IL1RAPL1: variants seen among roughly 807,000 people sequenced by gnomAD.
The protein encoded by IL1RAPL1 is interleukin 1 receptor accessory protein like 1.
IL1RAPL1 carries 3 observed loss-of-function variants against 48.4 expected under a neutral mutation model. That is an observed-to-expected ratio of 0.06 (90% CI 0.03 to 0.16). The LOEUF is 0.16. Ranked by LOEUF, IL1RAPL1 falls within the 10% of genes least tolerant of loss-of-function variation. The probability of loss-of-function intolerance (pLI) is 1.00; values close to 1 mark genes in which losing one functional copy is unlikely to be tolerated. For missense variants in IL1RAPL1, 349 were observed against 530.6 expected, an observed-to-expected ratio of 0.66 and a Z score of 3.36; for synonymous variants, 185 against 187.7, an observed-to-expected ratio of 0.99 and a Z score of 0.12.
At chrX:28,882,144 A>G (rs1246737491) in intron 2 of IL1RAPL1, among the ~76,000 whole-genome samples, 1 of 110,638 alleles carries the variant, frequency 9.0e-6, no homozygotes, top group Non-Finnish European at 1.9e-5. Context: ...AAAAATATAT[A>G]TATATATCTT....
At chrX:29,284,313 G>A (rs1161640626) in intron 3 of IL1RAPL1, among the ~76,000 whole-genome samples, 1 of 112,288 alleles carries the variant, frequency 8.9e-6, no homozygotes, top group East Asian at 2.8e-4. Flanking sequence ...AATAGGTCAA[G>A]TTGCATAAAA....
intron 5 of IL1RAPL1, among the ~76,000 whole-genome samples, chrX:29,519,373 A>G (rs1935479874): frequency 8.9e-6 from 1 of 111,918 alleles, no homozygotes; most frequent in Non-Finnish European, 1.9e-5. Context: ...GGATATAGCA[A>G]ACATTCAGTT....
intron 5 of IL1RAPL1, among the ~76,000 whole-genome samples, chrX:29,462,066 C>T (rs778502340): frequency 6.3e-5 from 7 of 111,880 alleles, no homozygotes; most frequent in Non-Finnish European, 1.1e-4. Flanking sequence ...GAGATTATTT[C>T]TGTTTAAAGG....
At chrX:29,065,020 C>T (rs1271057887) in intron 2 of IL1RAPL1, among the ~76,000 whole-genome samples, 2 of 112,003 alleles carry the variant, frequency 1.8e-5, no homozygotes, top group African/African-American at 6.5e-5. Flanking sequence ...TCTTTGTTCC[C>T]TTCCACCTCA....
At chrX:29,215,419 G>A (rs1238971479) in intron 2 of IL1RAPL1, among the ~76,000 whole-genome samples, 4 of 111,157 alleles carry the variant, frequency 3.6e-5, no homozygotes, top group Non-Finnish European at 5.7e-5. Flanking sequence ...ATTGTGTAAT[G>A]TGGATATACA....
rs186993981 is a variant in IL1RAPL1, at chrX:29,507,678, T to C, written c.703+108370T>C. ...CATATGATACCCTCAAAAGCTTCCA[T>C]TTTAGATAGTACCTATAGTGTGTTC... On this transcript the variant is annotated intron_variant, in intron 5 of 10. Coordinates refer to ENST00000378993, the MANE Select transcript of IL1RAPL1 (RefSeq NM_014271.4). Among the ~76,000 whole-genome samples, 329 of 108,534 alleles carry C rather than the reference T, an allele frequency of 3.0e-3. 2 individuals carry two copies. Among genetic ancestry groups the C allele is most frequent in the African/African-American group, 0.011 (315 of 29,816 alleles). The allele number at this position is 108,534 out of a possible 115,157, so 94.2% of individuals were successfully genotyped here.
At chrX:29,900,758 T>G (rs1260781469) in intron 6 of IL1RAPL1, among the ~76,000 whole-genome samples, 1 of 111,615 alleles carries the variant, frequency 9.0e-6, no homozygotes, top group Non-Finnish European at 1.9e-5. Flanking sequence ...AAACGTGGTT[T>G]TTGTCTTCAC....
intron 2 of IL1RAPL1, among the ~76,000 whole-genome samples, chrX:28,801,902 T>G (rs1936680739): frequency 8.9e-6 from 1 of 112,161 alleles, no homozygotes; most frequent in African/African-American, 3.2e-5. Flanking sequence ...GTTCATCTTT[T>G]TGTTCCTTTC....
chrX:29,262,429 C>T (rs1931876154), intron 2 of IL1RAPL1, among the ~76,000 whole-genome samples: 1 of 110,927 alleles, frequency 9.0e-6, no homozygotes, highest in Non-Finnish European at 1.9e-5. Flanking sequence ...TTTGGGAGGC[C>T]GAGGTCGGCA....
chrX:29,518,399 T>A (rs1375993630), intron 5 of IL1RAPL1, among the ~76,000 whole-genome samples: 1 of 110,937 alleles, frequency 9.0e-6, no homozygotes, highest in East Asian at 2.8e-4. Context: ...GTTGCTGGTT[T>A]GGGAGCACAG....
At chrX:28,774,508 C>G (rs973714486) in intron 1 of IL1RAPL1, among the ~76,000 whole-genome samples, 2 of 111,474 alleles carry the variant, frequency 1.8e-5, no homozygotes, top group Non-Finnish European at 3.8e-5. Context: ...AAATTCAGTT[C>G]CTTGAAAGTT....
chrX:29,166,707 A>G (rs745366679), intron 2 of IL1RAPL1, among the ~76,000 whole-genome samples: 27 of 111,873 alleles, frequency 2.4e-4, no homozygotes, highest in African/African-American at 8.8e-4. Flanking sequence ...TGAGACCAAC[A>G]TATTTTGCTT....
chrX:29,371,126 C>CTTTTT (rs1168566971), intron 3 of IL1RAPL1, among the ~76,000 whole-genome samples: 8 of 56,706 alleles, frequency 1.4e-4, no homozygotes, highest in Non-Finnish European at 2.2e-4. Flanking sequence ...TCTAAATGTA[C>CTTTTT]TTTTTTTTTT....
chrX:29,383,397 G>A (rs1159034658), intron 3 of IL1RAPL1, among the ~76,000 whole-genome samples: 3 of 111,585 alleles, frequency 2.7e-5, no homozygotes, highest in Non-Finnish European at 5.7e-5. Context: ...ATAAAGATTG[G>A]ACCCACTTGT....
At chrX:28,764,093 G>A (rs1936207644) in intron 1 of IL1RAPL1, among the ~76,000 whole-genome samples, 2 of 111,311 alleles carry the variant, frequency 1.8e-5, no homozygotes, top group Admixed American at 9.6e-5. Context: ...CATAGGATAT[G>A]TACAGGCACA....
At chrX:29,164,373 C>T (rs183470071) in intron 2 of IL1RAPL1, among the ~76,000 whole-genome samples, 24 of 111,780 alleles carry the variant, frequency 2.1e-4, no homozygotes, top group African/African-American at 7.8e-4. Context: ...GATCCCAGAA[C>T]CAAGCACAGA....
intron 2 of IL1RAPL1, among the ~76,000 whole-genome samples, chrX:29,205,683 C>G (rs1350402313): frequency 9.1e-6 from 1 of 109,797 alleles, no homozygotes; most frequent in Non-Finnish European, 1.9e-5. Context: ...TCCTGGCCAG[C>G]AGTAATGACT....
Position 29,388,106 on chromosome X carries a change from CA to C in IL1RAPL1, c.363-8130del, listed in dbSNP as rs71862742. Reference sequence around the variant, plus strand: ...TGGGAGTTGTTTAGAAAGGTTAAGCCAAAAAAAAAAAAAAAAAAAAAAGCAA... The same window carrying C: ...TGGGAGTTGTTTAGAAAGGTTAAGCCAAAAAAAAAAAAAAAAAAAAAGCAA... On this transcript the variant is annotated intron_variant, in intron 3 of 10. Transcript: ENST00000378993. Among the ~76,000 whole-genome samples, 357 of 51,715 alleles carry C rather than the reference CA, an allele frequency of 6.9e-3. 3 individuals carry two copies. The highest frequency in any genetic ancestry group is 0.018 in the African/African-American group (253 of 14,025). 44.9% of individuals were successfully genotyped at this position (51,715 alleles called of 115,157 possible).
intron 6 of IL1RAPL1, among the ~76,000 whole-genome samples, chrX:29,793,759 A>G (rs2147163831): frequency 8.9e-6 from 1 of 112,618 alleles, no homozygotes; most frequent in East Asian, 2.8e-4. Flanking sequence ...CATACTCTCA[A>G]CATTTCAACC....
Sources: allele counts gnomAD v4.1 joint callset (sites outside exome capture counted in the v4.1 genomes callset), GRCh38; gene constraint gnomAD v4.1.1; transcripts MANE v1.5; gene names NCBI Gene and HGNC (gene_info 2026-07-23, HGNC 2026-07-21).